MAGI1: variants seen among roughly 807,000 people sequenced by gnomAD.
The protein encoded by MAGI1 is membrane-associated guanylate kinase, WW and PDZ domain-containing protein 1.
In MAGI1, 58 loss-of-function variants were observed where a neutral mutation model predicts 139.9. The observed-to-expected ratio is 0.41, with a 90% CI of 0.34 to 0.52. MAGI1 has a LOEUF of 0.52. MAGI1 is among the 20% of genes least tolerant of loss of function. The pLI is 0.12. For synonymous variants in MAGI1, 812 were observed against 737.9 expected, an observed-to-expected ratio of 1.10 and a Z score of -1.63; for missense variants, 1,874 against 1,901.6, an observed-to-expected ratio of 0.99 and a Z score of 0.27.
At position 65,798,481 on chromosome 3, in the gene MAGI1, G is replaced by A. The variant is rs113198109; in HGVS notation, c.314-176393C>T. Among the ~76,000 whole-genome samples, 1,106 of 152,236 alleles carry A rather than the reference G, an allele frequency of 7.3e-3. 18 individuals are homozygous for A. Among genetic ancestry groups the A allele is most frequent in the African/African-American group, 0.025 (1,050 of 41,550 alleles). ...ACACTCTGAAGTTCCAAAGGAAGCC[G>A]CCAACTGTAGGCCTCGGGCCAAGAT... is the stretch of plus-strand genomic sequence containing the variant. On this transcript the variant is annotated intron_variant, in intron 1 of 22. Coordinates refer to ENST00000402939, the MANE Select transcript of MAGI1 (RefSeq NM_001033057.2).
intron 1 of MAGI1, among the ~76,000 whole-genome samples, chr3:65,761,098 GA>G (rs2036988232): frequency 6.6e-6 from 1 of 152,154 alleles, no homozygotes; most frequent in Non-Finnish European, 1.5e-5. Flanking sequence ...CCTTCCACAG[GA>G]TAGATGCAGC....
At chr3:65,833,890 G>A (rs147292342) in intron 1 of MAGI1, among the ~76,000 whole-genome samples, 2 of 152,192 alleles carry the variant, frequency 1.3e-5, no homozygotes, top group African/African-American at 4.8e-5. Flanking sequence ...AAAAGTTTAT[G>A]AACTTTCACA....
chr3:65,555,583 G>C (rs1288019215), intron 2 of MAGI1, among the ~76,000 whole-genome samples: 1 of 152,154 alleles, frequency 6.6e-6, no homozygotes, highest in Non-Finnish European at 1.5e-5. Flanking sequence ...ACCCAGCCTG[G>C]TATGGTGGCT....
At chr3:65,590,971 A>T (rs1283779475) in intron 2 of MAGI1, among the ~76,000 whole-genome samples, 1 of 152,232 alleles carries the variant, frequency 6.6e-6, no homozygotes, top group East Asian at 1.9e-4. Flanking sequence ...TTCAAATCCT[A>T]AAATGTGCAT....
At chr3:65,382,157 T>C in intron 15 of MAGI1, 88 bp from the exon 16 acceptor site, 1 of 1,136,042 alleles carries the variant, frequency 8.8e-7, no homozygotes, top group South Asian at 1.5e-5. Context: ...GAACAATTCA[T>C]TCATTCATGT....
intron 1 of MAGI1, among the ~76,000 whole-genome samples, chr3:65,637,441 C>T (rs2107205684): frequency 6.6e-6 from 1 of 151,972 alleles, no homozygotes; most frequent in African/African-American, 2.4e-5. Context: ...GTAGTCCCAG[C>T]TACTTGGGAG....
In MAGI1 at chr3:65,573,058, C is replaced by G. The variant is rs965918284; in HGVS notation, c.430+48914G>C. ...ACAAAGTTACTCATCTTATCCCTATCTGCCAATTACATTCCCCAAATAACC... is the reference window on the plus strand; with the variant it reads ...ACAAAGTTACTCATCTTATCCCTATGTGCCAATTACATTCCCCAAATAACC... On this transcript the variant is annotated intron_variant, in intron 2 of 22. Transcript: ENST00000402939. Among the ~76,000 whole-genome samples, 53 of 152,110 alleles carry G rather than the reference C, an allele frequency of 3.5e-4. 1 individual carries two copies. The highest frequency in any genetic ancestry group is 1.2e-3 in the African/African-American group (50 of 41,426).
chr3:65,590,840 G>A (rs2081934848), intron 2 of MAGI1, among the ~76,000 whole-genome samples: 1 of 152,092 alleles, frequency 6.6e-6, no homozygotes, highest in Admixed American at 6.6e-5. Flanking sequence ...ACTATAAAAA[G>A]TCCATGTTTT....
At chr3:65,532,174 C>A (rs919550675) in intron 2 of MAGI1, among the ~76,000 whole-genome samples, 5 of 152,158 alleles carry the variant, frequency 3.3e-5, no homozygotes, top group Non-Finnish European at 7.3e-5. Context: ...CCAATGGTTT[C>A]TATTCAACGT....
chr3:65,791,489 C>T (rs977496488), intron 1 of MAGI1, among the ~76,000 whole-genome samples: 1 of 151,820 alleles, frequency 6.6e-6, no homozygotes, highest in African/African-American at 2.4e-5. Flanking sequence ...AAGAAGGCTA[C>T]AAATGAGAAT....
At chr3:65,568,856 G>A (rs565064926) in intron 2 of MAGI1, among the ~76,000 whole-genome samples, 154 of 152,188 alleles carry the variant, frequency 1.0e-3, no homozygotes, top group Admixed American at 1.7e-3. Context: ...TTTATCCTCC[G>A]CATTTCCAAA....
chr3:65,864,597 C>G (rs1241131855), intron 1 of MAGI1, among the ~76,000 whole-genome samples: 1 of 152,230 alleles, frequency 6.6e-6, no homozygotes. Flanking sequence ...TCAGGAAAAA[C>G]AGTACTTTTC....
intron 1 of MAGI1, among the ~76,000 whole-genome samples, chr3:65,682,864 A>C (rs2087691072): frequency 6.6e-6 from 1 of 152,158 alleles, no homozygotes; most frequent in Non-Finnish European, 1.5e-5. Flanking sequence ...AGCGGTCCCC[A>C]AACTTTTTGG....
intron 2 of MAGI1, among the ~76,000 whole-genome samples, chr3:65,530,724 C>G (rs143865786): frequency 9.6e-6 from 1 of 104,550 alleles, no homozygotes; most frequent in Non-Finnish European, 1.9e-5. Context: ...TATATATATA[C>G]ACACGTATAT....
intron 1 of MAGI1, among the ~76,000 whole-genome samples, chr3:65,962,939 CA>C (rs200089141): frequency 0.17 from 14,227 of 84,854 alleles, 909 homozygotes; most frequent in Middle Eastern, 0.36. Context: ...CAAGTGTCAG[CA>C]AAAAAAAAAA....
intron 2 of MAGI1, among the ~76,000 whole-genome samples, chr3:65,614,182 C>T (rs1335332250): frequency 1.3e-5 from 2 of 152,174 alleles, no homozygotes; most frequent in Non-Finnish European, 2.9e-5. Context: ...GCGCTAATGA[C>T]ACACAGGGGC....
chr3:65,950,658 G>T (rs921716442), intron 1 of MAGI1, among the ~76,000 whole-genome samples: 8 of 152,052 alleles, frequency 5.3e-5, no homozygotes, highest in Non-Finnish European at 1.0e-4. Flanking sequence ...ATCTTTCCAA[G>T]AATTTGTAAA....
At chr3:65,673,821 C>A (rs527875054) in intron 1 of MAGI1, among the ~76,000 whole-genome samples, 1 of 152,168 alleles carries the variant, frequency 6.6e-6, no homozygotes, top group Non-Finnish European at 1.5e-5. Context: ...TATAAATAGG[C>A]GTTTCCTATT....
rs115578842 is a variant in MAGI1, at chr3:65,851,818, T to C, written c.313+186178A>G. Among the ~76,000 whole-genome samples the C allele has an allele frequency of 1.9e-3, 291 of 152,276 alleles. 1 individual carries two copies. The highest frequency in any genetic ancestry group is 6.7e-3 in the African/African-American group (279 of 41,572). On this transcript the variant is annotated intron_variant, in intron 1 of 22. Coordinates refer to ENST00000402939, the MANE Select transcript of MAGI1 (RefSeq NM_001033057.2). ...TGGCCACATATGTTTGGAAATATTT[T>C]CAAAAATATACAGGCAGAAGTCGAA...
Sources: allele counts gnomAD v4.1 joint callset (sites outside exome capture counted in the v4.1 genomes callset), GRCh38; gene constraint gnomAD v4.1.1; transcripts MANE v1.5; gene names NCBI Gene and HGNC (gene_info 2026-07-23, HGNC 2026-07-21).